The following CPNE8 variants were observed in gnomAD, a reference collection of about 807,000 sequenced individuals.
CPNE8 encodes copine 8.
A neutral mutation model predicts 81.5 loss-of-function variants in CPNE8; 45 were observed. The observed-to-expected ratio is 0.55, with a 90% CI of 0.44 to 0.71. CPNE8 has a LOEUF of 0.71. Ranked by LOEUF, CPNE8 falls within the 30% of genes least tolerant of loss-of-function variation. The pLI, the probability that CPNE8 is intolerant of heterozygous loss-of-function variation, is 0.00. For synonymous variants in CPNE8, 252 were observed against 226.3 expected, an observed-to-expected ratio of 1.11 and a Z score of -1.02; for missense variants, 594 against 672.1, an observed-to-expected ratio of 0.88 and a Z score of 1.28.
chr12:38,660,967 G>A (rs1231712450), intron 19 of CPNE8, among the ~76,000 whole-genome samples: 3 of 152,196 alleles, frequency 2.0e-5, no homozygotes, highest in Non-Finnish European at 4.4e-5. Flanking sequence ...AACAGATGCT[G>A]GAGAGGATGT....
At chr12:38,749,493 T>C (rs1197506958) in intron 10 of CPNE8, among the ~76,000 whole-genome samples, 1 of 151,940 alleles carries the variant, frequency 6.6e-6, no homozygotes, top group Non-Finnish European at 1.5e-5. Flanking sequence ...GGTAGGAAAA[T>C]GTGGGAAAGT....
intron 5 of CPNE8, among the ~76,000 whole-genome samples, chr12:38,832,619 A>G (rs1943306378): frequency 6.6e-6 from 1 of 152,168 alleles, no homozygotes; most frequent in African/African-American, 2.4e-5. Flanking sequence ...AGGTGAGTAT[A>G]ATGTACATAC....
At chr12:38,798,759 G>A (rs1163881764) in intron 6 of CPNE8, among the ~76,000 whole-genome samples, 1 of 152,078 alleles carries the variant, frequency 6.6e-6, no homozygotes, top group African/African-American at 2.4e-5. Flanking sequence ...CTGGCAAATT[G>A]GATAAAGACT....
chr12:38,890,811 A>G (rs952541278), intron 1 of CPNE8, among the ~76,000 whole-genome samples: 1 of 151,772 alleles, frequency 6.6e-6, no homozygotes, highest in Non-Finnish European at 1.5e-5. Context: ...TATATAGGAT[A>G]TCACACATGC....
intron 6 of CPNE8, among the ~76,000 whole-genome samples, chr12:38,811,804 C>T (rs1157857195): frequency 1.3e-5 from 2 of 152,104 alleles, no homozygotes; most frequent in East Asian, 1.9e-4. Context: ...CCCATGAGTT[C>T]GAGGCTGCAG....
At chr12:38,819,929 C>T (rs1222051394) in intron 6 of CPNE8, among the ~76,000 whole-genome samples, 1 of 151,958 alleles carries the variant, frequency 6.6e-6, no homozygotes, top group African/African-American at 2.4e-5. Context: ...TGTTTAACTA[C>T]AGAACTAATA....
intron 5 of CPNE8, among the ~76,000 whole-genome samples, chr12:38,839,603 A>C (rs1288022337): frequency 6.6e-6 from 1 of 152,122 alleles, no homozygotes; most frequent in Non-Finnish European, 1.5e-5. Flanking sequence ...ACCTTGCAAA[A>C]AGACACTTGC....
chr12:38,723,224 G>T (rs1322860655), intron 13 of CPNE8, among the ~76,000 whole-genome samples: 1 of 152,118 alleles, frequency 6.6e-6, no homozygotes, highest in Admixed American at 6.5e-5. Flanking sequence ...GAGGGTGTAA[G>T]AACTTATAGT....
At chr12:38,894,016 ATTTT>A (rs1944350406) in intron 1 of CPNE8, among the ~76,000 whole-genome samples, 1 of 152,106 alleles carries the variant, frequency 6.6e-6, no homozygotes, top group East Asian at 1.9e-4. Flanking sequence ...TCCCCATTTT[ATTTT>A]AAGGTCCTGC....
At chr12:38,713,957 A>G (rs1940324459) in intron 13 of CPNE8, among the ~76,000 whole-genome samples, 1 of 152,178 alleles carries the variant, frequency 6.6e-6, no homozygotes, top group Non-Finnish European at 1.5e-5. Flanking sequence ...TCGGTGTGCA[A>G]CAAAATTTGT....
chr12:38,824,575 G>GT (rs1555165286), intron 6 of CPNE8, among the ~76,000 whole-genome samples: 1 of 123,586 alleles, frequency 8.1e-6, no homozygotes, highest in African/African-American at 2.7e-5. Flanking sequence ...AGGAAAGAAA[G>GT]CAAAAAAAAA....
chr12:38,661,650 T>C (rs1402669805), intron 19 of CPNE8, among the ~76,000 whole-genome samples: 1 of 152,050 alleles, frequency 6.6e-6, no homozygotes, highest in African/African-American at 2.4e-5. Flanking sequence ...TCCAAATGTA[T>C]TCCACAAGGC....
At chr12:38,726,597 G>C (rs1592041884) in intron 11 of CPNE8, 1 of 152,142 alleles carries the variant, frequency 6.6e-6, no homozygotes, top group Non-Finnish European at 1.5e-5. Flanking sequence ...CAAGCACTCT[G>C]AACAATATAT....
intron 6 of CPNE8, among the ~76,000 whole-genome samples, chr12:38,779,668 T>A (rs1389328032): frequency 6.6e-6 from 1 of 152,072 alleles, no homozygotes; most frequent in Non-Finnish European, 1.5e-5. Flanking sequence ...AAGTTTCCCT[T>A]CAAATTACAT....
chr12:38,759,964 A>G lies in CPNE8; in HGVS notation c.722+883T>C, dbSNP rs558391910. ...AGTGTTCAGGTATCCAGGCACTTTC[A>G]TCCCTTTGGGGGTTGGTTTCTGGCT... On this transcript the variant is annotated intron_variant, in intron 10 of 19. Transcript: ENST00000331366. 7.9e-5 allele frequency among the ~76,000 whole-genome samples: 12 copies of G among 152,146 alleles called. 1 individual carries two copies. Among genetic ancestry groups the G allele is most frequent in the Admixed American group, 2.6e-4 (4 of 15,274 alleles).
Position 38,674,906 on chromosome 12 carries a change from T to A in CPNE8, c.1432+811A>T, listed in dbSNP as rs113937637. Among the ~76,000 whole-genome samples the A allele has an allele frequency of 5.5e-3, 840 of 152,318 alleles. 13 individuals carry two copies. The highest frequency in any genetic ancestry group is 0.019 in the African/African-American group (798 of 41,576). ...GTCAAACATTCTAAAACCATTCTCA[T>A]TTCCAAAGCCTCAAGCTAAATAAGC... is the stretch of plus-strand genomic sequence containing the variant. On this transcript the variant is annotated intron_variant, in intron 18 of 19. Transcript: ENST00000331366.
intron 12 of CPNE8, 44 bp from the exon 13 acceptor site, chr12:38,723,877 C>G: frequency 1.0e-6 from 1 of 1,003,726 alleles, no homozygotes; most frequent in South Asian, 1.4e-5. Context: ...TGTTTGTGAC[C>G]CCAAATAGAC....
intron 9 of CPNE8, 108 bp from the exon 10 acceptor site, chr12:38,760,996 T>C: frequency 2.5e-6 from 2 of 802,174 alleles, no homozygotes; most frequent in Admixed American, 2.8e-5. Flanking sequence ...AATGTATGCT[T>C]GCAGATTTTA....
At chr12:38,848,446 G>T (rs1943591192) in intron 4 of CPNE8, 113 bp downstream of exon 4, 1 of 1,400,910 alleles carries the variant, frequency 7.1e-7, no homozygotes, top group East Asian at 2.8e-5. Flanking sequence ...GAATTAATCT[G>T]GTTTCCTGCC....
Sources: allele counts gnomAD v4.1 joint callset (sites outside exome capture counted in the v4.1 genomes callset), GRCh38; gene constraint gnomAD v4.1.1; transcripts MANE v1.5; gene names NCBI Gene and HGNC (gene_info 2026-07-23, HGNC 2026-07-21).